Variants in FRMPD4 observed in about 807,000 individuals in gnomAD.
FRMPD4 encodes FERM and PDZ domain containing 4, also known as FERM and PDZ domain-containing protein 4.
A neutral mutation model predicts 94.1 loss-of-function variants in FRMPD4; 22 were observed. That is an observed-to-expected ratio of 0.23 (90% CI 0.17 to 0.33). The LOEUF is 0.33. Among genes scored for constraint, FRMPD4 ranks in the 10% least tolerant of loss-of-function variants. The probability of loss-of-function intolerance (pLI) is 1.00; values close to 1 mark genes in which losing one functional copy is unlikely to be tolerated. For missense variants in FRMPD4, 1,111 were observed against 1,339.9 expected (o/e 0.83, Z 2.67); for synonymous variants, 631 against 548.6 (o/e 1.15, Z -2.10).
chrX:12,084,900 TGGTAGA>T, intron 3 of FRMPD4, among the ~76,000 whole-genome samples: 1 of 112,162 alleles, frequency 8.9e-6, no homozygotes, highest in East Asian at 2.8e-4. Flanking sequence ...TTTTAAATTT[TGGTAGA>T]GCGAGAAAAG....
intron 3 of FRMPD4, among the ~76,000 whole-genome samples, chrX:12,126,377 G>A (rs780192754): frequency 2.1e-4 from 24 of 112,286 alleles, no homozygotes; most frequent in African/African-American, 6.1e-4. Context: ...AGCTGGTTCC[G>A]TGGGAAGAAA....
chrX:12,120,461 G>A (rs989064666), intron 3 of FRMPD4, among the ~76,000 whole-genome samples: 1 of 111,641 alleles, frequency 9.0e-6, no homozygotes, highest in African/African-American at 3.3e-5. Context: ...GGGAGGCTGA[G>A]AAGGGAGGAT....
chrX:12,254,112 G>A (rs1207242774), intron 1 of FRMPD4, among the ~76,000 whole-genome samples: 3 of 111,733 alleles, frequency 2.7e-5, no homozygotes, highest in Non-Finnish European at 5.7e-5. Flanking sequence ...CCATTTTGTA[G>A]GCTACTTCAG....
At chrX:12,463,652 G>C (rs1267069138) in intron 1 of FRMPD4, among the ~76,000 whole-genome samples, 1 of 99,515 alleles carries the variant, frequency 1.0e-5, no homozygotes, top group Non-Finnish European at 2.0e-5. Flanking sequence ...AACAGACATT[G>C]AGTGGGTGCC....
intron 3 of FRMPD4, among the ~76,000 whole-genome samples, chrX:12,031,452 G>A (rs181803168): frequency 8.9e-6 from 1 of 112,229 alleles, no homozygotes; most frequent in Admixed American, 9.4e-5. Flanking sequence ...GATAAGTATA[G>A]ATGATGAACT....
chrX:11,904,082 G>T (rs1346069205), intron 3 of FRMPD4, among the ~76,000 whole-genome samples: 1 of 111,825 alleles, frequency 8.9e-6, no homozygotes, highest in Non-Finnish European at 1.9e-5. Context: ...TGCCTGGCCT[G>T]ACCTGCTTGT....
At chrX:12,458,991 A>G (rs1274442697) in intron 1 of FRMPD4, among the ~76,000 whole-genome samples, 1 of 112,132 alleles carries the variant, frequency 8.9e-6, no homozygotes, top group East Asian at 2.8e-4. Context: ...GTACAAAACA[A>G]TATAACTCCA....
intron 3 of FRMPD4, among the ~76,000 whole-genome samples, chrX:11,885,254 C>T (rs1348596809): frequency 9.0e-6 from 1 of 111,499 alleles, no homozygotes; most frequent in African/African-American, 3.3e-5. Flanking sequence ...GGATATTATG[C>T]TAAGTGAAAT....
chrX:11,892,271 G>A (rs1601825200), intron 3 of FRMPD4, among the ~76,000 whole-genome samples: 1 of 112,043 alleles, frequency 8.9e-6, no homozygotes, highest in African/African-American at 3.2e-5. Context: ...CTGCCTCGGA[G>A]CATATCTATA....
intron 2 of FRMPD4, among the ~76,000 whole-genome samples, chrX:12,545,553 T>A (rs1230923048): frequency 8.9e-6 from 1 of 112,951 alleles, no homozygotes; most frequent in Non-Finnish European, 1.9e-5. Context: ...AAAAACAGAC[T>A]TTTCCAAAAT....
intron 1 of FRMPD4, among the ~76,000 whole-genome samples, chrX:11,847,176 A>C (rs1423113786): frequency 4.4e-4 from 49 of 111,709 alleles, no homozygotes; most frequent in East Asian, 3.1e-3. Context: ...AACTCAAACA[A>C]ATTTACAAGC....
chrX:12,515,758 C>A (rs999028970), intron 2 of FRMPD4, among the ~76,000 whole-genome samples: 3 of 111,712 alleles, frequency 2.7e-5, no homozygotes, highest in Non-Finnish European at 5.6e-5. Context: ...TTTTCTGTCT[C>A]GATGATCTGT....
chrX:11,912,916 A>G (rs751327574), intron 3 of FRMPD4, among the ~76,000 whole-genome samples: 1 of 111,707 alleles, frequency 9.0e-6, no homozygotes, highest in South Asian at 3.8e-4. Context: ...TTAGTACTTC[A>G]TTTTACTTTA....
At chrX:12,522,848 C>T (rs1298862948) in intron 2 of FRMPD4, among the ~76,000 whole-genome samples, 1 of 111,413 alleles carries the variant, frequency 9.0e-6, no homozygotes, top group Non-Finnish European at 1.9e-5. Context: ...GGTGATCTGC[C>T]CACCTCTGCC....
At chrX:12,105,468 G>A (rs747614101) in intron 3 of FRMPD4, among the ~76,000 whole-genome samples, 1 of 112,155 alleles carries the variant, frequency 8.9e-6, no homozygotes, top group East Asian at 2.8e-4. Flanking sequence ...ACACACACAT[G>A]TGTGCACTCA....
intron 1 of FRMPD4, among the ~76,000 whole-genome samples, chrX:12,176,901 G>A (rs12558224): frequency 0.27 from 29,771 of 110,789 alleles, 3,108 homozygotes; most frequent in Non-Finnish European, 0.34. Context: ...GATCCTCGGG[G>A]AGAAAAATGG....
intron 2 of FRMPD4, among the ~76,000 whole-genome samples, chrX:12,567,918 T>C (rs760673821): frequency 8.9e-6 from 1 of 112,139 alleles, no homozygotes; most frequent in South Asian, 3.7e-4. Flanking sequence ...AACATCTGCA[T>C]TCCATTGACT....
chrX:12,309,389 T>G, intron 1 of FRMPD4, among the ~76,000 whole-genome samples: 1 of 112,491 alleles, frequency 8.9e-6, no homozygotes, highest in East Asian at 2.8e-4. Flanking sequence ...TTATGGTCTG[T>G]TTTCTTGCCT....
intron 1 of FRMPD4, among the ~76,000 whole-genome samples, chrX:12,272,954 A>G (rs902841441): frequency 3.6e-5 from 4 of 110,431 alleles, no homozygotes; most frequent in East Asian, 2.8e-4. Flanking sequence ...GTGCATGCCT[A>G]TAATCCCAGC....
Sources: gnomAD v4.1 joint callset for allele counts (sites outside exome capture counted in the v4.1 genomes callset) on GRCh38, gnomAD v4.1.1 for gene constraint, MANE v1.5 for transcripts, NCBI Gene and HGNC (gene_info 2026-07-23, HGNC 2026-07-21) for gene names.